The following CD96 variants were observed in gnomAD, a reference collection of about 807,000 sequenced individuals.
The protein encoded by CD96 is T-cell surface protein tactile.
CD96 carries 70 observed loss-of-function variants against 71.3 expected under a neutral mutation model. The observed-to-expected ratio is 0.98, with a 90% CI of 0.81 to 1.20. CD96 has a LOEUF of 1.20. Ranked by LOEUF, CD96 falls within the 50% of genes most tolerant of loss-of-function variation. The probability of loss-of-function intolerance (pLI) is 0.00; values close to 1 mark genes in which losing one functional copy is unlikely to be tolerated. For synonymous variants in CD96, 248 were observed against 233.0 expected (o/e 1.06, Z -0.59); for missense variants, 742 against 677.5 (o/e 1.10, Z -1.06).
chr3:111,550,274 T>A (rs1934630077), intron 2 of CD96, among the ~76,000 whole-genome samples: 1 of 152,152 alleles, frequency 6.6e-6, no homozygotes. Context: ...GAAGTCAGGC[T>A]GGAGGGAGAA....
intron 3 of CD96, among the ~76,000 whole-genome samples, chr3:111,574,019 A>T (rs1936108159): frequency 6.6e-6 from 1 of 152,212 alleles, no homozygotes; most frequent in Non-Finnish European, 1.5e-5. Flanking sequence ...GCTTGCTTTG[A>T]CAGCACTGAC....
intron 7 of CD96, among the ~76,000 whole-genome samples, 174 bp downstream of exon 7, chr3:111,601,088 A>G (rs567893745): frequency 4.7e-4 from 72 of 152,352 alleles, no homozygotes; most frequent in African/African-American, 1.6e-3. Flanking sequence ...ACTCCAGTGA[A>G]AAGAATTCTT....
At chr3:111,626,272 A>G (rs887733068) in intron 10 of CD96, among the ~76,000 whole-genome samples, 35 of 129,754 alleles carry the variant, frequency 2.7e-4, no homozygotes, top group Admixed American at 3.0e-4. Context: ...GCGCCACTGC[A>G]CTCCAGCCTG....
intron 8 of CD96, among the ~76,000 whole-genome samples, chr3:111,615,687 G>A (rs566483023): frequency 3.5e-4 from 53 of 152,242 alleles, no homozygotes; most frequent in Non-Finnish European, 7.4e-4. Context: ...GTATCTACTT[G>A]AGATAGATAC....
chr3:111,652,031 A>G lies in CD96; in HGVS notation c.*2225A>G, dbSNP rs2107800059. On this transcript the variant is annotated 3_prime_UTR_variant, in exon 14 of 14. Transcript: ENST00000352690. ...CTCCAGCCTCCAGTCAAGTCTTCAG[A>G]TAATTGCAACTTCAGTTGATCTTTT... 1 of 152,344 alleles carries G rather than the reference A, an allele frequency of 6.6e-6. No homozygotes were observed. Among genetic ancestry groups the G allele is most frequent in the Non-Finnish European group, 1.5e-5 (1 of 68,036 alleles). 9.4% of individuals were successfully genotyped at this position (152,344 alleles called of 1,614,324 possible).
intron 5 of CD96, among the ~76,000 whole-genome samples, chr3:111,590,423 G>A (rs773907194): frequency 7.9e-5 from 12 of 152,214 alleles, no homozygotes; most frequent in African/African-American, 1.9e-4. Context: ...CTAGCAGCCC[G>A]CAGTGTGGAA....
intron 10 of CD96, among the ~76,000 whole-genome samples, chr3:111,628,870 TA>T (rs1262646560): frequency 6.6e-6 from 1 of 152,066 alleles, no homozygotes; most frequent in East Asian, 1.9e-4. Flanking sequence ...TCAACATACA[TA>T]AAAAAGAATT....
chr3:111,589,620 C>G (rs1427390470), intron 5 of CD96, among the ~76,000 whole-genome samples: 12 of 152,166 alleles, frequency 7.9e-5, no homozygotes, highest in Admixed American at 7.9e-4. Context: ...TCTTCAAAGT[C>G]CTTTCACATA....
At chr3:111,547,881 C>T (rs1934494101) in intron 2 of CD96, among the ~76,000 whole-genome samples, 1 of 152,134 alleles carries the variant, frequency 6.6e-6, no homozygotes, top group Non-Finnish European at 1.5e-5. Flanking sequence ...TCCTTCACCA[C>T]AGAGTGACCA....
chr3:111,574,343 A>C (rs576441308), intron 3 of CD96, among the ~76,000 whole-genome samples: 2 of 152,324 alleles, frequency 1.3e-5, no homozygotes, highest in East Asian at 3.9e-4. Flanking sequence ...TCAATGGATC[A>C]TTTCAGATTT....
intron 2 of CD96, among the ~76,000 whole-genome samples, chr3:111,563,230 A>C (rs1282282065): frequency 6.6e-6 from 1 of 152,250 alleles, no homozygotes; most frequent in African/African-American, 2.4e-5. Context: ...GGGGAGAAGC[A>C]TTCAAATCAT....
intron 4 of CD96, among the ~76,000 whole-genome samples, chr3:111,584,836 G>C (rs1936634343): frequency 6.6e-6 from 1 of 152,094 alleles, no homozygotes; most frequent in Non-Finnish European, 1.5e-5. Flanking sequence ...TAAGCCTTTG[G>C]ACATGTAGAA....
chr3:111,651,459 GC>G lies in CD96; in HGVS notation c.*1654del, dbSNP rs1330197899. On this transcript the variant is annotated 3_prime_UTR_variant, in exon 14 of 14. Transcript: ENST00000352690. Reference sequence around the variant, plus strand: ...TCTCACCATTGGTATAGCCAAAAAAGCTTGGAAGTGACCAAGGCTAGGTCAC... The same window carrying G: ...TCTCACCATTGGTATAGCCAAAAAAGTTGGAAGTGACCAAGGCTAGGTCAC... 6.6e-6 allele frequency: 1 copy of G among 152,222 alleles called. No individual in the cohort carries two copies. The highest frequency in any genetic ancestry group is 2.4e-5 in the African/African-American group (1 of 41,434). 9.4% of individuals were successfully genotyped at this position (152,222 alleles called of 1,614,324 possible).
chr3:111,626,323 A>AG (rs1219940242), intron 10 of CD96, among the ~76,000 whole-genome samples: 8 of 151,486 alleles, frequency 5.3e-5, no homozygotes, highest in Non-Finnish European at 1.5e-5. Flanking sequence ...AAAAAAAAAA[A>AG]AAAAAGAAAT....
At chr3:111,658,659 A>G (rs1292395260) in intron 14 of CD96, among the ~76,000 whole-genome samples, 9 of 152,246 alleles carry the variant, frequency 5.9e-5, no homozygotes, top group Admixed American at 3.9e-4. Context: ...AATTAATATC[A>G]TCAGTGAGAG....
At chr3:111,633,175 T>C (rs1939157223) in intron 10 of CD96, among the ~76,000 whole-genome samples, 1 of 151,796 alleles carries the variant, frequency 6.6e-6, no homozygotes, top group Non-Finnish European at 1.5e-5. Context: ...TATTGTTTTG[T>C]CTCAGATTAA....
In CD96 at chr3:111,544,577, A is replaced by T. The variant is rs147554498; in HGVS notation, c.62-469A>T. 4.9e-3 allele frequency among the ~76,000 whole-genome samples: 741 copies of T among 152,306 alleles called. 3 individuals carry two copies. Among genetic ancestry groups the T allele is most frequent in the Middle Eastern group, 0.017 (5 of 294 alleles). On this transcript the variant is annotated intron_variant, in intron 1 of 13. Coordinates refer to ENST00000352690, the MANE Select transcript of CD96 (RefSeq NM_005816.5). ...TAAGATATGAAAGGCCCTTGTAAAC[A>T]TGTATTTTTCAAAGAAATTGCTATA...
chr3:111,553,163 T>C (rs1278965873), intron 2 of CD96, among the ~76,000 whole-genome samples: 4 of 148,252 alleles, frequency 2.7e-5, no homozygotes, highest in Non-Finnish European at 5.9e-5. Context: ...AGCCTGATGT[T>C]ATATTTTGTT....
At chr3:111,572,743 A>C (rs1936041806) in intron 3 of CD96, among the ~76,000 whole-genome samples, 2 of 152,188 alleles carry the variant, frequency 1.3e-5, no homozygotes, top group South Asian at 4.1e-4. Flanking sequence ...AACAAAAGTG[A>C]TGTCTTCCTG....
Sources: allele counts gnomAD v4.1 joint callset (sites outside exome capture counted in the v4.1 genomes callset), GRCh38; gene constraint gnomAD v4.1.1; transcripts MANE v1.5; gene names NCBI Gene and HGNC (gene_info 2026-07-23, HGNC 2026-07-21).